SHISA9: variants seen among roughly 807,000 people sequenced by gnomAD.
SHISA9 encodes the protein protein shisa-9.
Under a neutral mutation model 38.0 loss-of-function variants are expected in SHISA9, and 13 were observed. The ratio of observed to expected loss-of-function variants is 0.34; its 90% CI spans 0.22 to 0.54. The LOEUF (loss-of-function observed/expected upper bound fraction) is 0.54. Among genes scored for constraint, SHISA9 ranks in the 20% least tolerant of loss-of-function variants. SHISA9 has a pLI of 0.91. For synonymous variants in SHISA9, 275 were observed against 242.0 expected, an observed-to-expected ratio of 1.14 and a Z score of -1.27; for missense variants, 538 against 575.8, an observed-to-expected ratio of 0.93 and a Z score of 0.67.
the SHISA9 span, among the ~76,000 whole-genome samples, chr16:13,279,056 C>G: frequency 6.6e-6 from 1 of 152,002 alleles, no homozygotes. Context: ...GGGCTATAAA[C>G]TTTCCTCTTT....
the SHISA9 span, among the ~76,000 whole-genome samples, chr16:13,460,466 AG>A: frequency 6.6e-6 from 1 of 152,214 alleles, no homozygotes; most frequent in Non-Finnish European, 1.5e-5. Flanking sequence ...AAGTTATGTG[AG>A]TTGACAAATG....
At chr16:13,373,585 A>G in the SHISA9 span, among the ~76,000 whole-genome samples, 1 of 151,896 alleles carries the variant, frequency 6.6e-6, no homozygotes, top group South Asian at 2.1e-4. Flanking sequence ...ACATGGTGAA[A>G]CTCCATCTCT....
chr16:13,269,277 G>A, the SHISA9 span, among the ~76,000 whole-genome samples: 16 of 152,150 alleles, frequency 1.1e-4, no homozygotes, highest in Non-Finnish European at 1.9e-4. Context: ...ACCCCAGTTC[G>A]GTCGGTCACC....
chr16:13,280,117 C>CTTTTTTTTTTTTTTTTTTTTTT, the SHISA9 span, among the ~76,000 whole-genome samples: 1 of 102,824 alleles, frequency 9.7e-6, no homozygotes, highest in Non-Finnish European at 2.0e-5. Context: ...CTCTCTTTCT[C>CTTTTTTTTTTTTTTTTTTTTTT]TTTTTTTTTT....
intron 2 of SHISA9, among the ~76,000 whole-genome samples, chr16:13,086,769 A>G (rs1275928736): frequency 6.6e-6 from 1 of 152,176 alleles, no homozygotes; most frequent in Non-Finnish European, 1.5e-5. Context: ...GAAAGATTCT[A>G]ATACATTATA....
the SHISA9 span, among the ~76,000 whole-genome samples, chr16:13,337,203 T>A: frequency 0.027 from 4,093 of 152,218 alleles, 76 homozygotes; most frequent in Middle Eastern, 0.075. Context: ...TCATCTTGAA[T>A]TGTAGCTCCC....
At chr16:13,430,695 C>T in the SHISA9 span, among the ~76,000 whole-genome samples, 1,332 of 151,382 alleles carry the variant, frequency 8.8e-3, 13 homozygotes, top group African/African-American at 0.028. Flanking sequence ...CACTTGAGGC[C>T]GGGAGTTTGA....
chr16:13,258,123 C>G, the SHISA9 span, among the ~76,000 whole-genome samples: 23 of 152,318 alleles, frequency 1.5e-4, no homozygotes, highest in African/African-American at 5.1e-4. Context: ...GCCATCTACT[C>G]TCTAATCTTA....
chr16:13,253,581 A>G, the SHISA9 span, among the ~76,000 whole-genome samples: 3 of 152,130 alleles, frequency 2.0e-5, no homozygotes, highest in South Asian at 6.2e-4. Flanking sequence ...GTGCAGGGGA[A>G]CTCCCATTTA....
At chr16:13,464,710 T>C in the SHISA9 span, among the ~76,000 whole-genome samples, 1 of 152,248 alleles carries the variant, frequency 6.6e-6, no homozygotes, top group East Asian at 1.9e-4. Flanking sequence ...TAAATAAAAA[T>C]GGTGGCTGAA....
the SHISA9 span, among the ~76,000 whole-genome samples, chr16:13,498,029 C>T: frequency 6.6e-6 from 1 of 151,462 alleles, no homozygotes; most frequent in Non-Finnish European, 1.5e-5. Flanking sequence ...ACAAATTTGA[C>T]AATATAGAAT....
intron 2 of SHISA9, among the ~76,000 whole-genome samples, chr16:13,129,083 A>G (rs2050286108): frequency 6.6e-6 from 1 of 152,206 alleles, no homozygotes; most frequent in African/African-American, 2.4e-5. Flanking sequence ...TTATCTGAGC[A>G]TCTTCTTTAT....
chr16:13,329,200 G>A, the SHISA9 span, among the ~76,000 whole-genome samples: 2 of 152,268 alleles, frequency 1.3e-5, no homozygotes, highest in East Asian at 3.9e-4. Context: ...GCCTCCTCAA[G>A]CCTGCCTGTA....
At chr16:13,469,612 C>T in the SHISA9 span, among the ~76,000 whole-genome samples, 1 of 152,174 alleles carries the variant, frequency 6.6e-6, no homozygotes, top group African/African-American at 2.4e-5. Context: ...CAAACCTTCT[C>T]CCACCCATGC....
the SHISA9 span, among the ~76,000 whole-genome samples, chr16:13,326,254 A>T: frequency 6.6e-6 from 1 of 152,092 alleles, no homozygotes; most frequent in Non-Finnish European, 1.5e-5. Context: ...ATTAATGATA[A>T]CTAGAAGCAT....
chr16:13,270,230 G>C, the SHISA9 span, among the ~76,000 whole-genome samples: 1 of 152,152 alleles, frequency 6.6e-6, no homozygotes, highest in African/African-American at 2.4e-5. Context: ...CTGAGACAAG[G>C]AGTAGGACTT....
the SHISA9 span, among the ~76,000 whole-genome samples, chr16:13,261,513 C>A: frequency 6.6e-6 from 1 of 152,298 alleles, no homozygotes; most frequent in African/African-American, 2.4e-5. Context: ...AATTCCACAG[C>A]ACCCCCACCA....
chr16:12,992,728 G>C (rs1432332074), intron 2 of SHISA9, among the ~76,000 whole-genome samples: 1 of 152,142 alleles, frequency 6.6e-6, no homozygotes, highest in Non-Finnish European at 1.5e-5. Context: ...TAACTGTAGG[G>C]TTGACATGTG....
At chr16:13,351,009 C>CATCT in the SHISA9 span, among the ~76,000 whole-genome samples, 1 of 152,250 alleles carries the variant, frequency 6.6e-6, no homozygotes, top group South Asian at 2.1e-4. Flanking sequence ...ATATGGCTAC[C>CATCT]ATCTATTGGG....
Sources: gnomAD v4.1 joint callset for allele counts (sites outside exome capture counted in the v4.1 genomes callset) on GRCh38, gnomAD v4.1.1 for gene constraint, MANE v1.5 for transcripts, NCBI Gene and HGNC (gene_info 2026-07-23, HGNC 2026-07-21) for gene names.